Variants in GIGYF2 observed in about 807,000 individuals in gnomAD.
The protein encoded by GIGYF2 is GRB10 interacting GYF protein 2, also known as GRB10-interacting GYF protein 2.
A neutral mutation model predicts 208.1 loss-of-function variants in GIGYF2; 25 were observed. That is an observed-to-expected ratio of 0.12 (90% CI 0.09 to 0.17). The LOEUF (loss-of-function observed/expected upper bound fraction) is 0.17. Among genes scored for constraint, GIGYF2 ranks in the 10% least tolerant of loss-of-function variants. The probability of loss-of-function intolerance (pLI) is 1.00; values close to 1 mark genes in which losing one functional copy is unlikely to be tolerated. For missense variants in GIGYF2, 1,302 were observed against 1,579.4 expected, an observed-to-expected ratio of 0.82 and a Z score of 2.98; for synonymous variants, 534 against 543.8, an observed-to-expected ratio of 0.98 and a Z score of 0.25.
chr2:232,711,273 AT>A (rs1380910048), intron 2 of GIGYF2, among the ~76,000 whole-genome samples: 1 of 97,096 alleles, frequency 1.0e-5, no homozygotes, highest in Non-Finnish European at 2.2e-5. Context: ...TTTTTTTTGT[AT>A]TTTTTTATAG....
chr2:232,830,097 C>T (rs1054705915), intron 21 of GIGYF2, among the ~76,000 whole-genome samples: 1 of 152,156 alleles, frequency 6.6e-6, no homozygotes, highest in African/African-American at 2.4e-5. Flanking sequence ...CCTCCTGTCT[C>T]AGCCTCTCAA....
intron 8 of GIGYF2, among the ~76,000 whole-genome samples, chr2:232,779,478 A>G (rs1699639010): frequency 6.6e-6 from 1 of 152,186 alleles, no homozygotes; most frequent in Admixed American, 6.5e-5. Context: ...GTAAGTAGGT[A>G]ATCTCACAGC....
intron 2 of GIGYF2, among the ~76,000 whole-genome samples, chr2:232,720,144 T>A (rs917155748): frequency 1.3e-5 from 2 of 152,200 alleles, no homozygotes; most frequent in African/African-American, 4.8e-5. Context: ...CCACCCTGTG[T>A]CCAAGTGTTC....
At chr2:232,731,954 T>C (rs1574813201) in intron 2 of GIGYF2, among the ~76,000 whole-genome samples, 1 of 152,358 alleles carries the variant, frequency 6.6e-6, no homozygotes, top group East Asian at 1.9e-4. Flanking sequence ...TTCTATTGCA[T>C]GTATGAAAAT....
chr2:232,773,629 ATT>A (rs1249699398), intron 8 of GIGYF2, among the ~76,000 whole-genome samples: 2 of 152,122 alleles, frequency 1.3e-5, no homozygotes, highest in Non-Finnish European at 2.9e-5. Flanking sequence ...GTATTAAACC[ATT>A]GTTAACTTTG....
chr2:232,749,070 A>G lies in GIGYF2; in HGVS notation c.255A>G (p.Thr85=), dbSNP rs1698250054. 2.6e-6 allele frequency: 4 copies of G among 1,560,416 alleles called. No homozygotes were observed. Among genetic ancestry groups the G allele is most frequent in the Non-Finnish European group, 3.5e-6 (4 of 1,131,124 alleles). The change falls in exon 5 of 29, where the codon ACA becomes ACG. Residue 85 remains threonine (T), a synonymous_variant. Transcript: ENST00000373563. The part of the protein sequence containing the change: ...PLPPLALVPF[T]EEEQRNFSMS... The stretch of plus-strand genomic sequence containing the variant: ...CACCATTGGCTCTGGTACCCTTTAC[A>G]GAAGAAGAACAGGTTTGTGATTAGC...
chr2:232,810,998 T>A, intron 16 of GIGYF2: 1 of 454,412 alleles, frequency 2.2e-6, no homozygotes, highest in Non-Finnish European at 4.0e-6. Flanking sequence ...TTGCACTGAA[T>A]TGTGAATTTT....
At chr2:232,780,778 G>A (rs141515868) in intron 8 of GIGYF2, among the ~76,000 whole-genome samples, 4 of 152,276 alleles carry the variant, frequency 2.6e-5, no homozygotes, top group Admixed American at 1.3e-4. Context: ...TGGTGCTGAC[G>A]TTACAGAAGG....
chr2:232,713,816 A>G (rs540547200), intron 2 of GIGYF2, among the ~76,000 whole-genome samples: 68 of 152,242 alleles, frequency 4.5e-4, no homozygotes, highest in Non-Finnish European at 8.8e-4. Context: ...ACAAAGTGTC[A>G]TTTTCATCAT....
chr2:232,819,688 G>A, intron 20 of GIGYF2, 139 bp from the exon 21 acceptor site: 1 of 618,738 alleles, frequency 1.6e-6, no homozygotes, highest in South Asian at 2.1e-5. Context: ...TTTTACTCCA[G>A]ATCATGATTA....
At chr2:232,808,498 T>G (rs1700627035) in intron 15 of GIGYF2, among the ~76,000 whole-genome samples, 1 of 152,202 alleles carries the variant, frequency 6.6e-6, no homozygotes, top group African/African-American at 2.4e-5. Flanking sequence ...CACTTCATGA[T>G]GAATGTATAC....
chr2:232,750,795 T>C (rs2106315346), intron 5 of GIGYF2, among the ~76,000 whole-genome samples: 1 of 151,976 alleles, frequency 6.6e-6, no homozygotes, highest in Non-Finnish European at 1.5e-5. Flanking sequence ...TGTTTACTTA[T>C]TTAGATTTTC....
intron 2 of GIGYF2, among the ~76,000 whole-genome samples, chr2:232,704,856 ATTTTTTTTT>A (rs10689292): frequency 2.0e-5 from 2 of 101,958 alleles, no homozygotes; most frequent in South Asian, 7.1e-4. Flanking sequence ...TAACTTCTGG[ATTTTTTTTT>A]TTTTTTTTTT....
rs986811572 is a variant in GIGYF2 at position 232,858,888 on chromosome 2, C to A, written c.*2028C>A. 3 of 239,896 alleles carry A rather than the reference C, an allele frequency of 1.3e-5. No individual in the cohort carries two copies. Among genetic ancestry groups the A allele is most frequent in the Non-Finnish European group, 2.5e-5 (3 of 121,426 alleles). 14.9% of individuals were successfully genotyped at this position (239,896 alleles called of 1,614,324 possible). ...ATGTGGATCAGCTCCTGCCCTCATA[C>A]CGCAGACACACCCACTCTGAACACA... is the stretch of plus-strand genomic sequence containing the variant. On this transcript the variant is annotated 3_prime_UTR_variant, in exon 29 of 29. Transcript: ENST00000373563.
In GIGYF2 at chr2:232,844,468, A is replaced by G. The variant is rs200453062; in HGVS notation, c.3199A>G (p.Ser1067Gly). The G allele has an allele frequency of 3.7e-6, 6 of 1,612,358 alleles. No homozygotes were observed. In the East Asian group the frequency reaches 1.3e-4, roughly 36 times the overall value. ...WASDLVSSIW[S>G]NADTKNSNMG... ...ATCTGACCTAGTCAGTAGTATTTGGAGTAATGCTGACACTAAAAACTCCAA... is the reference window on the plus strand; with the variant it reads ...ATCTGACCTAGTCAGTAGTATTTGGGGTAATGCTGACACTAAAAACTCCAA... Residue 1067 changes from serine (S) to glycine (G), a missense_variant, in exon 25 of 29, where the codon AGT becomes GGT. Physicochemically the swap from Ser to Gly is moderately conservative, Grantham distance 56. Around this residue, in one of 8 missense-constraint regions of GIGYF2, gnomAD observed 701 missense variants for 793.0 expected, o/e 0.88. Coordinates refer to ENST00000373563, the MANE Select transcript of GIGYF2 (RefSeq NM_001103146.3).
In GIGYF2 at chr2:232,789,320, C is replaced by T. The variant is rs1161702239; in HGVS notation, c.713-1378C>T. Among the ~76,000 whole-genome samples, 3 of 152,114 alleles carry T rather than the reference C, an allele frequency of 2.0e-5. 1 individual carries two copies. Among genetic ancestry groups the T allele is most frequent in the Admixed American group, 2.0e-4 (3 of 15,280 alleles). ...GTCTGGGAGCTGAACCTAGGAAAGT[C>T]AGTAAGAGGAGAAACATGAGCCAGG... On this transcript the variant is annotated intron_variant, in intron 9 of 28. Coordinates refer to ENST00000373563, the MANE Select transcript of GIGYF2 (RefSeq NM_001103146.3).
intron 2 of GIGYF2, chr2:232,730,096 C>T: frequency 1.6e-6 from 2 of 1,272,212 alleles, no homozygotes; most frequent in Non-Finnish European, 1.1e-6. Context: ...AATACTGCCA[C>T]ATCTGCTTGT....
rs756709314 is a variant in GIGYF2, at chr2:232,748,949, A to G, written c.172-38A>G. On this transcript the variant is annotated intron_variant, in intron 4 of 28. Transcript: ENST00000373563. ...TCTTGTATTTCTTCTTATTGCAGAAATAGCATTAATCTCATAATCATGTGT... is the reference window on the plus strand; with the variant it reads ...TCTTGTATTTCTTCTTATTGCAGAAGTAGCATTAATCTCATAATCATGTGT... 9 of 888,410 alleles carry G rather than the reference A, an allele frequency of 1.0e-5. No individual in the cohort carries two copies. The Admixed American group carries it at 1.0e-4, about 10-fold the overall frequency. The allele number at this position is 888,410 out of a possible 1,614,324, so 55.0% of individuals were successfully genotyped here.
At chr2:232,786,528 C>T (rs560424409) in intron 8 of GIGYF2, among the ~76,000 whole-genome samples, 18 of 152,342 alleles carry the variant, frequency 1.2e-4, no homozygotes, top group South Asian at 2.1e-4. Flanking sequence ...TGAGCCACCA[C>T]GCGGCCTGCT....
Sources: gnomAD v4.1 joint callset for allele counts (sites outside exome capture counted in the v4.1 genomes callset) on GRCh38, gnomAD v4.1.1 for gene constraint, gnomAD v4.1.1 regional missense constraint, MANE v1.5 for transcripts, NCBI Gene and HGNC (gene_info 2026-07-23, HGNC 2026-07-21) for gene names.